TRPM7: variants seen among roughly 807,000 people sequenced by gnomAD.
The protein encoded by TRPM7 is LTRPC ion channel family member 7.
TRPM7 carries 134 observed loss-of-function variants against 229.7 expected under a neutral mutation model. That is an observed-to-expected ratio of 0.58 (90% CI 0.51 to 0.67). The LOEUF (loss-of-function observed/expected upper bound fraction) is 0.67. Among genes scored for constraint, TRPM7 ranks in the 30% least tolerant of loss-of-function variants. The probability of loss-of-function intolerance (pLI) is 0.00; values close to 1 mark genes in which losing one functional copy is unlikely to be tolerated. For synonymous variants in TRPM7, 699 were observed against 715.2 expected, an observed-to-expected ratio of 0.98 and a Z score of 0.36; for missense variants, 1,901 against 2,210.0, an observed-to-expected ratio of 0.86 and a Z score of 2.80.
intron 2 of TRPM7, among the ~76,000 whole-genome samples, chr15:50,662,724 GA>G (rs1297232847): frequency 6.6e-6 from 1 of 152,174 alleles, no homozygotes; most frequent in Non-Finnish European, 1.5e-5. Flanking sequence ...GGAGTTTAGA[GA>G]TGGAGGAACA....
intron 13 of TRPM7, among the ~76,000 whole-genome samples, chr15:50,617,766 C>T (rs929252653): frequency 6.6e-6 from 1 of 151,854 alleles, no homozygotes; most frequent in South Asian, 2.1e-4. Context: ...TCCCTCAGTG[C>T]CCCCCACACC....
intron 10 of TRPM7, among the ~76,000 whole-genome samples, chr15:50,631,024 G>T (rs2060713928): frequency 6.6e-6 from 1 of 152,060 alleles, no homozygotes; most frequent in Admixed American, 6.6e-5. Context: ...GTAGAGATGG[G>T]TCTATCTTGT....
In TRPM7 at chr15:50,569,141, C is replaced by A. The variant is rs112929804; in HGVS notation, c.5467+746G>T. 3.4e-3 allele frequency among the ~76,000 whole-genome samples: 516 copies of A among 152,158 alleles called. 2 individuals carry two copies. The highest frequency in any genetic ancestry group is 0.012 in the African/African-American group (491 of 41,498). ...CTTTGAACTCCTGAGCTCAAGCGAT[C>A]CTCTGGTATCAGCCTCCTGAGTAGC... On this transcript the variant is annotated intron_variant, in intron 38 of 38. Transcript: ENST00000646667.
chr15:50,601,480 A>G (rs999494365), intron 21 of TRPM7, among the ~76,000 whole-genome samples: 1 of 152,080 alleles, frequency 6.6e-6, no homozygotes, highest in Non-Finnish European at 1.5e-5. Context: ...TGTCTCCACT[A>G]AAAATACAAA....
chr15:50,575,871 G>A lies in TRPM7; in HGVS notation c.4667C>T (p.Ser1556Leu). The change falls in exon 32 of 39, where the codon TCA (serine) becomes TTA (leucine). Residue 1556 changes from serine to leucine, a missense_variant and splice_region_variant. Physicochemically the swap from Ser to Leu is moderately radical, Grantham distance 145. Transcript: ENST00000646667. ...KPAMDTNYYYSAVERNNLMRL... is the reference protein window; with the variant it reads ...KPAMDTNYYYLAVERNNLMRL... ...ATTTTGTTTTTAATATTACTGACCTGAATAATAGTAATTTGTATCCATAGC... is the reference window on the plus strand; with the variant it reads ...ATTTTGTTTTTAATATTACTGACCTAAATAATAGTAATTTGTATCCATAGC... 2 of 1,613,128 alleles carry A rather than the reference G, an allele frequency of 1.2e-6. No homozygotes were observed. Among genetic ancestry groups the A allele is most frequent in the Non-Finnish European group, 1.7e-6 (2 of 1,179,484 alleles).
chr15:50,686,519 TG>T lies in TRPM7; in HGVS notation c.3+11del. On this transcript the variant is annotated intron_variant, in intron 1 of 38. Coordinates refer to ENST00000646667, the MANE Select transcript of TRPM7 (RefSeq NM_017672.6). ...GAACCATTCCCCGCCCGGGCCTGCG[TG>T]GGTCCAGTACCATTCTCCTCACGGG... 6.2e-7 allele frequency: 1 copy of T among 1,613,866 alleles called. No homozygotes were observed. Among genetic ancestry groups the T allele is most frequent in the South Asian group, 1.1e-5 (1 of 91,076 alleles).
chr15:50,686,500 T>A, intron 1 of TRPM7, 31 bp downstream of exon 1: 1 of 1,613,318 alleles, frequency 6.2e-7, no homozygotes, highest in Non-Finnish European at 8.5e-7. Context: ...CCCAGAACCA[T>A]TCCCCGCCCG....
Position 50,591,920 on chromosome 15 carries a change from C to T in TRPM7, c.4315G>A (p.Ala1439Thr). 1 of 1,553,308 alleles carries T rather than the reference C, an allele frequency of 6.4e-7. No individual in the cohort carries two copies. The highest frequency in any genetic ancestry group is 1.3e-5 in the South Asian group (1 of 79,024). ...AATTTGCCAAACTTACCTACAAATG[C>T]TCCAAATTCTGTATTATCTCCTTCT... ...ATEGDNTEFGAFVGHRDSMDL... is the reference protein window; with the variant it reads ...ATEGDNTEFGTFVGHRDSMDL... The change falls in exon 26 of 39, where the codon GCA becomes ACA. Residue 1439 changes from alanine (A) to threonine (T), a missense_variant. Physicochemically the swap from Ala to Thr is moderately conservative, Grantham distance 58. Around this residue, in one of 8 missense-constraint regions of TRPM7, gnomAD observed 533 missense variants for 497.1 expected, o/e 1.07. Transcript: ENST00000646667.
intron 3 of TRPM7, among the ~76,000 whole-genome samples, chr15:50,651,011 A>G (rs934193041): frequency 7.9e-5 from 12 of 151,796 alleles, no homozygotes; most frequent in Non-Finnish European, 1.6e-4. Context: ...AACATGGTGA[A>G]CCCCATCTCT....
In TRPM7 at chr15:50,574,422, T is replaced by C; in HGVS notation, c.5160A>G (p.Glu1720=). 3.7e-6 allele frequency: 6 copies of C among 1,613,988 alleles called. No homozygotes were observed. The highest frequency in any genetic ancestry group is 5.1e-6 in the Non-Finnish European group (6 of 1,180,002). The change falls in exon 36 of 39, where the codon GAA becomes GAG. Residue 1720 remains glutamate (E), a synonymous_variant. Transcript: ENST00000646667. ...TTCTAAATTCTCCAGTCATACATTC[T>C]TCCACAGCAAACCACTGTCCTGCTG... ...CHSAGQWFAV[E]ECMTGEFRKY... is the part of the protein sequence containing the mutation.
intron 3 of TRPM7, among the ~76,000 whole-genome samples, chr15:50,655,577 GAA>G (rs377164118): frequency 6.7e-6 from 1 of 148,414 alleles, no homozygotes; most frequent in Admixed American, 6.8e-5. Flanking sequence ...CAAAGGAATA[GAA>G]AAAAAAAATA....
At chr15:50,571,212 C>T (rs987021541) in intron 36 of TRPM7, among the ~76,000 whole-genome samples, 3 of 152,180 alleles carry the variant, frequency 2.0e-5, no homozygotes, top group Non-Finnish European at 2.9e-5. Flanking sequence ...AACAGAATGG[C>T]AAACATTAAG....
chr15:50,669,783 G>GA (rs914996637), intron 1 of TRPM7, among the ~76,000 whole-genome samples: 28 of 146,036 alleles, frequency 1.9e-4, no homozygotes, highest in East Asian at 7.9e-4. Context: ...TGAAGTCCAG[G>GA]AAAAAAAAAA....
At chr15:50,627,358 C>T (rs1452052206) in intron 11 of TRPM7, among the ~76,000 whole-genome samples, 1 of 151,950 alleles carries the variant, frequency 6.6e-6, no homozygotes, top group Non-Finnish European at 1.5e-5. Context: ...AAAGAGGAGA[C>T]ATTTGGTTAG....
chr15:50,568,672 G>A (rs1167176879), intron 38 of TRPM7, among the ~76,000 whole-genome samples: 4 of 152,028 alleles, frequency 2.6e-5, no homozygotes, highest in Non-Finnish European at 5.9e-5. Flanking sequence ...ATACGAAGTG[G>A]GACTTTCAAA....
Position 50,591,651 on chromosome 15 carries a change from T to C in TRPM7, c.4324+260A>G, listed in dbSNP as rs1158419041. 3.3e-5 allele frequency among the ~76,000 whole-genome samples: 5 copies of C among 152,206 alleles called. No individual in the cohort carries two copies. The East Asian group carries it at 7.7e-4, about 24-fold the overall frequency. ...AGCTGGGACTTCAGGCACATGCCAC[T>C]GCGCCTGGCTACTTCCAAAAATTTT... On this transcript the variant is annotated intron_variant, in intron 26 of 38. Coordinates refer to ENST00000646667, the MANE Select transcript of TRPM7 (RefSeq NM_017672.6).
At chr15:50,587,681 C>T (rs534663408) in intron 27 of TRPM7, among the ~76,000 whole-genome samples, 6 of 152,070 alleles carry the variant, frequency 3.9e-5, no homozygotes, top group Non-Finnish European at 8.8e-5. Context: ...CTATCAAGTG[C>T]TTCGCAATAG....
At chr15:50,599,475 C>T (rs1488850750) in intron 21 of TRPM7, 179 bp from the exon 22 acceptor site, 3 of 449,974 alleles carry the variant, frequency 6.7e-6, no homozygotes, top group Non-Finnish European at 1.2e-5. Flanking sequence ...TAAATCTTAA[C>T]ATCTAGGAGA....
Position 50,628,374 on chromosome 15 carries a change from C to T in TRPM7, c.1205-125G>A, listed in dbSNP as rs182356863. The stretch of plus-strand genomic sequence containing the variant: ...GCTCAGGCTAAAGTGCAAAGGTGAT[C>T]ATGGCTCACTGCAGCCTTGAATTCC... On this transcript the variant is annotated intron_variant, in intron 10 of 38. Transcript: ENST00000646667. 1.6e-4 allele frequency: 99 copies of T among 622,254 alleles called. 1 individual carries two copies. Among genetic ancestry groups the T allele is most frequent in the African/African-American group, 1.5e-3 (81 of 53,194 alleles). The allele number at this position is 622,254 out of a possible 1,614,324, so 38.5% of individuals were successfully genotyped here. A position where few individuals can be genotyped will look rare whatever the true frequency, so the allele number is the denominator to read the frequency against.
Sources: allele counts gnomAD v4.1 joint callset (sites outside exome capture counted in the v4.1 genomes callset), GRCh38; gene constraint gnomAD v4.1.1; regional missense constraint gnomAD v4.1.1; transcripts MANE v1.5; gene names NCBI Gene and HGNC (gene_info 2026-07-23, HGNC 2026-07-21).